The following MED12L variants were observed in gnomAD, a reference collection of about 807,000 sequenced individuals.
MED12L encodes the protein mediator complex subunit 12L, also known as mediator of RNA polymerase II transcription subunit 12-like protein.
A neutral mutation model predicts 281.3 loss-of-function variants in MED12L; 60 were observed. That is an observed-to-expected ratio of 0.21 (90% confidence interval 0.17 to 0.26). The LOEUF (loss-of-function observed/expected upper bound fraction) is 0.26, where lower values mean the gene tolerates loss of function less well. MED12L is among the 10% of genes least tolerant of loss of function. The probability of loss-of-function intolerance (pLI) is 1.00; values close to 1 mark genes in which losing one functional copy is unlikely to be tolerated. For missense variants in MED12L, 2,146 were observed against 2,680.9 expected, an observed-to-expected ratio of 0.80 and a Z score of 4.41; for synonymous variants, 974 against 987.2, an observed-to-expected ratio of 0.99 and a Z score of 0.25.
Position 151,086,968 on chromosome 3 carries a change from G to T in MED12L, c.42G>T (p.Leu14=). The change falls in exon 2 of 45, where the codon CTG becomes CTT. Residue 14 remains leucine (L), a synonymous_variant. Transcript: ENST00000687756. The stretch of plus-strand genomic sequence containing the variant: ...TTCTCAGCTATGAGCAGAGACCGCT[G>T]AAGCGCCCCCGGCTCGGGCCGCCCG... ...FGLLSYEQRP[L]KRPRLGPPDV... 6.2e-7 allele frequency: 1 copy of T among 1,610,318 alleles called. No homozygotes were observed.
At chr3:151,339,078 G>A (rs909246269) in intron 16 of MED12L, among the ~76,000 whole-genome samples, 2 of 152,118 alleles carry the variant, frequency 1.3e-5, no homozygotes, top group African/African-American at 2.4e-5. Context: ...AGTACAATAT[G>A]TGAAGTTATA....
intron 16 of MED12L, among the ~76,000 whole-genome samples, chr3:151,279,484 G>A (rs550468979): frequency 2.6e-5 from 4 of 152,302 alleles, no homozygotes; most frequent in African/African-American, 9.6e-5. Context: ...AGACTTGCTA[G>A]TCACTGTTGA....
intron 16 of MED12L, among the ~76,000 whole-genome samples, chr3:151,210,053 T>C (rs1576976188): frequency 6.6e-6 from 1 of 152,308 alleles, no homozygotes; most frequent in South Asian, 2.1e-4. Flanking sequence ...TTTCAACTCA[T>C]AGGGTGCTTT....
In MED12L at chr3:151,386,079, T is replaced by A. The variant is rs552957334; in HGVS notation, c.5088+888T>A. Among the ~76,000 whole-genome samples, 7 of 152,056 alleles carry A rather than the reference T, an allele frequency of 4.6e-5. No individual in the cohort carries two copies. The South Asian group carries it at 1.5e-3, about 32-fold the overall frequency. On this transcript the variant is annotated intron_variant, in intron 36 of 44. Coordinates refer to ENST00000687756, the MANE Select transcript of MED12L (RefSeq NM_001393769.1). ...ACGAGTCATTTTGAAGGATTAAGAG[T>A]TAGCTGGGAGGTAGGGAAAATTGTG...
chr3:151,373,226 A>G (rs1392288962), intron 27 of MED12L, among the ~76,000 whole-genome samples: 1 of 152,170 alleles, frequency 6.6e-6, no homozygotes, highest in Admixed American at 6.5e-5. Context: ...TTTCCTGTAG[A>G]TTAGCTTCAG....
intron 16 of MED12L, among the ~76,000 whole-genome samples, chr3:151,268,836 A>G (rs983274447): frequency 1.3e-5 from 2 of 152,242 alleles, no homozygotes; most frequent in Non-Finnish European, 2.9e-5. Flanking sequence ...CTAAGACCAC[A>G]AAGCTTCTAG....
chr3:151,168,398 G>A (rs1216067781), intron 11 of MED12L, among the ~76,000 whole-genome samples: 1 of 152,216 alleles, frequency 6.6e-6, no homozygotes, highest in South Asian at 2.1e-4. Context: ...TGTGGGAAAT[G>A]TTTGGAAATC....
intron 16 of MED12L, among the ~76,000 whole-genome samples, chr3:151,287,323 A>G (rs1743661135): frequency 6.6e-6 from 1 of 152,188 alleles, no homozygotes; most frequent in Non-Finnish European, 1.5e-5. Flanking sequence ...CTTATCCATG[A>G]GACCAGACTT....
intron 16 of MED12L, among the ~76,000 whole-genome samples, chr3:151,211,506 G>A (rs748061211): frequency 3.3e-4 from 50 of 151,518 alleles, no homozygotes; most frequent in Non-Finnish European, 5.6e-4. Context: ...GAGACGGTCT[G>A]ATTGACCCAG....
chr3:151,385,920 A>G (rs906205415), intron 36 of MED12L, among the ~76,000 whole-genome samples: 29 of 152,172 alleles, frequency 1.9e-4, no homozygotes, highest in Admixed American at 5.2e-4. Flanking sequence ...ACATTCCACA[A>G]TCACCAAGAT....
chr3:151,325,458 A>G (rs1749483251), intron 16 of MED12L, among the ~76,000 whole-genome samples: 1 of 152,094 alleles, frequency 6.6e-6, no homozygotes, highest in Admixed American at 6.6e-5. Context: ...TTATGACTAT[A>G]TTGTAGCATC....
intron 2 of MED12L, among the ~76,000 whole-genome samples, chr3:151,090,327 C>T (rs965182826): frequency 2.0e-5 from 3 of 152,180 alleles, no homozygotes; most frequent in Non-Finnish European, 2.9e-5. Context: ...GTCATAGATT[C>T]AGCCCCTATA....
intron 16 of MED12L, among the ~76,000 whole-genome samples, chr3:151,268,990 G>C (rs1001730963): frequency 6.6e-6 from 1 of 152,150 alleles, no homozygotes; most frequent in Non-Finnish European, 1.5e-5. Context: ...CTTTCCTAGC[G>C]GTGTGACCCC....
intron 39 of MED12L, among the ~76,000 whole-genome samples, chr3:151,404,236 C>T (rs1716031073): frequency 6.6e-6 from 1 of 152,066 alleles, no homozygotes; most frequent in South Asian, 2.1e-4. Flanking sequence ...CTATAATATT[C>T]TGCTTTCTTA....
chr3:151,122,992 C>A lies in MED12L; in HGVS notation c.396+18C>A. 1 of 1,570,336 alleles carries A rather than the reference C, an allele frequency of 6.4e-7. No individual in the cohort carries two copies. Among genetic ancestry groups the A allele is most frequent in the East Asian group, 2.3e-5 (1 of 44,408 alleles). Reference sequence around the variant, plus strand: ...CAAAAAAGGTATCAAATATTTCTTACATTGTTTTAGTTATGGTCTTATAAT... The same window carrying A: ...CAAAAAAGGTATCAAATATTTCTTAAATTGTTTTAGTTATGGTCTTATAAT... On this transcript the variant is annotated intron_variant, in intron 4 of 44. Coordinates refer to ENST00000687756, the MANE Select transcript of MED12L (RefSeq NM_001393769.1).
chr3:151,406,096 GGCATGGTCTCACTTT>G (rs1182376751), intron 39 of MED12L, among the ~76,000 whole-genome samples: 4 of 152,164 alleles, frequency 2.6e-5, no homozygotes, highest in Non-Finnish European at 5.9e-5. Flanking sequence ...TGATTTGCCA[GGCATGGTCTCACTTT>G]GCCCTCTTGC....
At chr3:151,338,598 C>T (rs1285770975) in intron 16 of MED12L, 1 of 1,613,744 alleles carries the variant, frequency 6.2e-7, no homozygotes, top group African/African-American at 1.3e-5. Context: ...TTTGGCATCA[C>T]TAAGAATTTT....
chr3:151,243,951 G>A (rs1439119356), intron 16 of MED12L, among the ~76,000 whole-genome samples: 3 of 147,070 alleles, frequency 2.0e-5, no homozygotes, highest in Non-Finnish European at 3.0e-5. Flanking sequence ...AACAAAAAAA[G>A]GCAGGGGTTG....
intron 38 of MED12L, among the ~76,000 whole-genome samples, chr3:151,392,698 A>G (rs1046549966): frequency 3.9e-5 from 6 of 152,148 alleles, no homozygotes; most frequent in African/African-American, 1.4e-4. Flanking sequence ...TTTCTCATAT[A>G]TACACACCAG....
Sources: gnomAD v4.1 joint callset for allele counts (sites outside exome capture counted in the v4.1 genomes callset) on GRCh38, gnomAD v4.1.1 for gene constraint, MANE v1.5 for transcripts, NCBI Gene and HGNC (gene_info 2026-07-23, HGNC 2026-07-21) for gene names.